TTC7B: variants seen among roughly 807,000 people sequenced by gnomAD.
TTC7B encodes tetratricopeptide repeat protein 7B.
In TTC7B, 28 loss-of-function variants were observed where a neutral mutation model predicts 106.8. That is an observed-to-expected ratio of 0.26 (90% CI 0.19 to 0.36). TTC7B has a LOEUF of 0.36. TTC7B is among the 10% of genes least tolerant of loss of function. The probability of loss-of-function intolerance (pLI) is 1.00; values close to 1 mark genes in which losing one functional copy is unlikely to be tolerated. For missense variants in TTC7B, 862 were observed against 1,076.4 expected (o/e 0.80, Z 2.79); for synonymous variants, 405 against 430.6 (o/e 0.94, Z 0.74).
Position 90,575,175 on chromosome 14 carries a change from A to G in TTC7B, c.2310+2931T>C, listed in dbSNP as rs528010212. Among the ~76,000 whole-genome samples the G allele has an allele frequency of 6.6e-6, 1 of 152,310 alleles. No individual in the cohort carries two copies. Among genetic ancestry groups the G allele is most frequent in the South Asian group, 2.1e-4 (1 of 4,820 alleles). On this transcript the variant is annotated intron_variant, in intron 19 of 19. Coordinates refer to ENST00000328459, the MANE Select transcript of TTC7B (RefSeq NM_001010854.2). This position sits in a 1 kb window ranked among gnomAD's most constrained non-coding sequence, Gnocchi z 5.2. ...TCTTAACTCAGGGGCTTGCAAACCAATCCACCTTCCGTGAGGGTAGAGACA... is the reference window on the plus strand; with the variant it reads ...TCTTAACTCAGGGGCTTGCAAACCAGTCCACCTTCCGTGAGGGTAGAGACA...
chr14:90,588,285 C>T (rs1164654545), intron 18 of TTC7B, among the ~76,000 whole-genome samples: 2 of 152,234 alleles, frequency 1.3e-5, no homozygotes, highest in East Asian at 3.8e-4. Flanking sequence ...CCTTAAATTT[C>T]CAGCAGAAAT....
chr14:90,621,316 A>G (rs1451642002), intron 15 of TTC7B, among the ~76,000 whole-genome samples: 37 of 129,298 alleles, frequency 2.9e-4, no homozygotes, highest in East Asian at 7.3e-4. Flanking sequence ...ACGCGGGTAC[A>G]GCCGGGACGA....
At chr14:90,725,464 G>A (rs1889062314) in intron 5 of TTC7B, among the ~76,000 whole-genome samples, 1 of 152,154 alleles carries the variant, frequency 6.6e-6, no homozygotes, top group Admixed American at 6.5e-5. Flanking sequence ...CACTGAGCAG[G>A]GCTAAACAAT....
intron 5 of TTC7B, among the ~76,000 whole-genome samples, chr14:90,716,366 C>T (rs1300318374): frequency 6.6e-6 from 1 of 152,206 alleles, no homozygotes; most frequent in African/African-American, 2.4e-5. Flanking sequence ...AAAATGACTT[C>T]ACAGATTCTT....
rs988199481 is a variant in TTC7B at position 90,676,653 on chromosome 14, C to T, written c.1022G>A (p.Arg341Gln). 4.3e-6 allele frequency: 7 copies of T among 1,613,660 alleles called. No homozygotes were observed. Among genetic ancestry groups the T allele is most frequent in the East Asian group, 2.2e-5 (1 of 44,876 alleles). Residue 341 changes from arginine (R) to glutamine (Q), a missense_variant, in exon 9 of 20, where the codon CGG (arginine) becomes CAG (glutamine). By Grantham distance (43) the Arg-to-Gln change is conservative. Transcript: ENST00000328459. The stretch of plus-strand genomic sequence containing the variant: ...AGGTATCCTGCTCAGCACAGCGTCC[C>T]GGTTGGCCTGAAAAAACATGGAATA... ...LLLISESMAN[R>Q]DAVLSRIPEH...
chr14:90,529,799 T>C lies in TTC7B; in HGVS notation c.*11569A>G, dbSNP rs1889240031. ...TTCCATTGTATGTGGCATGACAATG[T>C]GAAACCACTTAAATCATTGACAATA... On this transcript the variant is annotated 3_prime_UTR_variant, in exon 20 of 20. Coordinates refer to ENST00000328459, the MANE Select transcript of TTC7B (RefSeq NM_001010854.2). 1 of 152,200 alleles carries C rather than the reference T, an allele frequency of 6.6e-6. No homozygotes were observed. The highest frequency in any genetic ancestry group is 1.5e-5 in the Non-Finnish European group (1 of 68,040). 9.4% of individuals were successfully genotyped at this position (152,200 alleles called of 1,614,324 possible).
chr14:90,774,639 G>A (rs922918262), intron 3 of TTC7B, among the ~76,000 whole-genome samples: 4 of 152,226 alleles, frequency 2.6e-5, no homozygotes, highest in African/African-American at 9.6e-5. Flanking sequence ...AGCTTCTCCA[G>A]CTGCCCCTGA....
intron 1 of TTC7B, among the ~76,000 whole-genome samples, chr14:90,804,117 C>T (rs1164655376): frequency 7.9e-5 from 12 of 152,110 alleles, no homozygotes; most frequent in African/African-American, 1.9e-4. Context: ...AGGCAGATCA[C>T]GAGGTCAGGA....
intron 5 of TTC7B, among the ~76,000 whole-genome samples, chr14:90,710,867 T>C (rs1888418011): frequency 6.6e-6 from 1 of 152,234 alleles, no homozygotes; most frequent in South Asian, 2.1e-4. Flanking sequence ...AAAAAATTCA[T>C]GTGACTTGTT....
chr14:90,760,922 C>A (rs1041786540), intron 3 of TTC7B, among the ~76,000 whole-genome samples: 2 of 152,188 alleles, frequency 1.3e-5, no homozygotes, highest in Admixed American at 6.5e-5. Flanking sequence ...CAAAGAGATT[C>A]CACCATGTTC....
At chr14:90,709,979 CA>C (rs1343787879) in intron 5 of TTC7B, among the ~76,000 whole-genome samples, 3 of 60,376 alleles carry the variant, frequency 5.0e-5, no homozygotes, top group Non-Finnish European at 1.1e-4. Flanking sequence ...CCTTATGTGC[CA>C]GAAAAAAAAA....
chr14:90,547,784 T>TAA (rs151125826), intron 19 of TTC7B, among the ~76,000 whole-genome samples: 1 of 144,986 alleles, frequency 6.9e-6, no homozygotes, highest in African/African-American at 2.5e-5. Flanking sequence ...GTGACAGAGA[T>TAA]AAAAAAAAAA....
At chr14:90,784,737 A>T (rs1891329481) in intron 2 of TTC7B, among the ~76,000 whole-genome samples, 1 of 152,064 alleles carries the variant, frequency 6.6e-6, no homozygotes, top group Non-Finnish European at 1.5e-5. Flanking sequence ...TGCAGCAGGG[A>T]GTCTTTAAGT....
intron 19 of TTC7B, among the ~76,000 whole-genome samples, chr14:90,548,196 C>CTGCTCACTG (rs1276189742): frequency 6.6e-6 from 1 of 152,198 alleles, no homozygotes; most frequent in Non-Finnish European, 1.5e-5. Flanking sequence ...GTGAGCTGTC[C>CTGCTCACTG]CTCACCACAT....
chr14:90,543,508 T>C (rs1889691000), intron 19 of TTC7B, among the ~76,000 whole-genome samples: 1 of 152,252 alleles, frequency 6.6e-6, no homozygotes, highest in African/African-American at 2.4e-5. Context: ...CAGTTTTCAT[T>C]TCTGTTACTC....
intron 19 of TTC7B, among the ~76,000 whole-genome samples, chr14:90,544,889 G>A (rs1054198870): frequency 1.8e-4 from 28 of 152,210 alleles, no homozygotes; most frequent in African/African-American, 6.8e-4. Context: ...TAGGTGATGA[G>A]CAGTAAGCCA....
In TTC7B at chr14:90,528,012, T is replaced by G. The variant is rs1195131518; in HGVS notation, c.*13356A>C. 1 of 151,898 alleles carries G rather than the reference T, an allele frequency of 6.6e-6. No individual in the cohort carries two copies. Among genetic ancestry groups the G allele is most frequent in the Non-Finnish European group, 1.5e-5 (1 of 67,976 alleles). 9.4% of individuals were successfully genotyped at this position (151,898 alleles called of 1,614,324 possible). ...TCCAGAGTAAAGGCTCCATAGGCAT[T>G]TATTGGTTGACAAGGTTGGCATATG... On this transcript the variant is annotated 3_prime_UTR_variant, in exon 20 of 20. Coordinates refer to ENST00000328459, the MANE Select transcript of TTC7B (RefSeq NM_001010854.2).
rs917923403 is a variant in TTC7B, at chr14:90,766,692, G to C, written c.445+14046C>G. ...GGAAAGCAGACATTGACTGCACCAA[G>C]AGGGCGGGAGAACTCACTGAGGATG... is the stretch of plus-strand genomic sequence containing the variant. On this transcript the variant is annotated intron_variant, in intron 3 of 19. Coordinates refer to ENST00000328459, the MANE Select transcript of TTC7B (RefSeq NM_001010854.2). The C allele has an allele frequency of 7.1e-6, 10 of 1,414,680 alleles. No individual in the cohort carries two copies. In the African/African-American group the frequency reaches 1.3e-4, roughly 18 times the overall value. 87.6% of individuals were successfully genotyped at this position (1,414,680 alleles called of 1,614,324 possible).
intron 18 of TTC7B, among the ~76,000 whole-genome samples, chr14:90,587,054 G>C (rs1208197744): frequency 1.3e-5 from 2 of 152,198 alleles, no homozygotes; most frequent in African/African-American, 2.4e-5. Flanking sequence ...CCAAGCTGCT[G>C]TCCTCTACCA....
Sources: allele counts gnomAD v4.1 joint callset (sites outside exome capture counted in the v4.1 genomes callset), GRCh38; gene constraint gnomAD v4.1.1; non-coding constraint Gnocchi (gnomAD v3.1); transcripts MANE v1.5; gene names NCBI Gene and HGNC (gene_info 2026-07-23, HGNC 2026-07-21).